OR2T10: variants seen among roughly 807,000 people sequenced by gnomAD.
OR2T10 encodes olfactory receptor family 2 subfamily T member 10.
For synonymous variants in OR2T10, 125 were observed against 141.8 expected (o/e 0.88, Z 0.84); for missense variants, 335 against 382.5 (o/e 0.88, Z 1.04).
In OR2T10 at chr1:248,590,778, GT is replaced by G. The variant is rs1659985335; in HGVS notation, c.*2051del. Reference sequence around the variant, plus strand: ...CAGCATGTACTCTTGATTTACTAAAGTTTAACACAAATTACTACCTCTACTA... The same window carrying G: ...CAGCATGTACTCTTGATTTACTAAAGTTAACACAAATTACTACCTCTACTA... On this transcript the variant is annotated 3_prime_UTR_variant, in exon 2 of 2. Coordinates refer to ENST00000642090, the MANE Select transcript of OR2T10 (RefSeq NM_001004693.2). 7.0e-6 allele frequency: 1 copy of G among 143,178 alleles called. No homozygotes were observed. The highest frequency in any genetic ancestry group is 6.8e-5 in the Admixed American group (1 of 14,682). 8.9% of individuals were successfully genotyped at this position (143,178 alleles called of 1,614,324 possible). A position where few individuals can be genotyped will look rare whatever the true frequency, so the allele number is the denominator to read the frequency against.
rs773791177 is a variant in OR2T10, at chr1:248,593,418, G to A, written c.351C>T (p.Ala117=). 1 of 1,572,178 alleles carries A rather than the reference G, an allele frequency of 6.4e-7. No individual in the cohort carries two copies. The highest frequency in any genetic ancestry group is 8.6e-7 in the Non-Finnish European group (1 of 1,156,448). The stretch of plus-strand genomic sequence containing the variant: ...TAGCCACATAGCGGTCATAGGCCAT[G>A]GCGGCTAGAAGGCAGCACTCTGCAC... The part of the protein sequence containing the change: ...LGGAECCLLA[A]MAYDRYVAIC... The change falls in exon 2 of 2, where the codon GCC becomes GCT. Residue 117 remains alanine (A), a synonymous_variant. Coordinates refer to ENST00000642090, the MANE Select transcript of OR2T10 (RefSeq NM_001004693.2).
Position 248,597,525 on chromosome 1 carries a change from A to AT in OR2T10, c.-63dup, listed in dbSNP as rs1660110504. 7.0e-6 allele frequency: 1 copy of AT among 143,434 alleles called. No homozygotes were observed. Among genetic ancestry groups the AT allele is most frequent in the Non-Finnish European group, 1.5e-5 (1 of 66,282 alleles). 8.9% of individuals were successfully genotyped at this position (143,434 alleles called of 1,614,324 possible). On this transcript the variant is annotated 5_prime_UTR_variant, in exon 1 of 2. Transcript: ENST00000642090. ...AGGAAGAAATGTAATACCCTGAGGA[A>AT]TTTTATTTCCAATAAGATACTTCCA...
At position 248,592,777 on chromosome 1, in the gene OR2T10, T is replaced by C. The variant is rs1660029604; in HGVS notation, c.*53A>G. The C allele has an allele frequency of 1.8e-6, 2 of 1,102,820 alleles. 1 individual carries two copies. The highest frequency in any genetic ancestry group is 4.4e-5 in the Admixed American group (2 of 45,642). The allele number at this position is 1,102,820 out of a possible 1,614,324, so 68.3% of individuals were successfully genotyped here. On this transcript the variant is annotated 3_prime_UTR_variant, in exon 2 of 2. Transcript: ENST00000642090. Reference sequence around the variant, plus strand: ...GCTGATTGTTTGGTGGAAGGACACCTAAAGTGAAGAGAGACTCTAAGAAGA... The same window carrying C: ...GCTGATTGTTTGGTGGAAGGACACCCAAAGTGAAGAGAGACTCTAAGAAGA...
intron 1 of OR2T10, among the ~76,000 whole-genome samples, chr1:248,595,752 C>A (rs1660080738): frequency 7.2e-6 from 1 of 138,256 alleles, no homozygotes; most frequent in Admixed American, 7.1e-5. Context: ...TAAATAATTC[C>A]CAATAAACTT....
At chr1:248,596,696 T>C (rs1347145132) in intron 1 of OR2T10, among the ~76,000 whole-genome samples, 1 of 143,776 alleles carries the variant, frequency 7.0e-6, no homozygotes, top group Non-Finnish European at 1.5e-5. Context: ...AACTGCTATT[T>C]CCAAAATGAA....
chr1:248,595,268 C>A (rs1660073655), intron 1 of OR2T10, among the ~76,000 whole-genome samples: 1 of 143,178 alleles, frequency 7.0e-6, no homozygotes, highest in Admixed American at 6.8e-5. Flanking sequence ...TTTTAGATAT[C>A]ATTAATGTTC....
At position 248,593,011 on chromosome 1, in the gene OR2T10, C is replaced by G; in HGVS notation, c.758G>C (p.Gly253Ala). 6.4e-7 allele frequency: 1 copy of G among 1,572,450 alleles called. No homozygotes were observed. Among genetic ancestry groups the G allele is most frequent in the Non-Finnish European group, 8.6e-7 (1 of 1,156,576 alleles). The change falls in exon 2 of 2, where the codon GGA becomes GCA. Residue 253 changes from glycine to alanine, a missense_variant. Physicochemically the swap from Gly to Ala is moderately conservative, Grantham distance 60. Coordinates refer to ENST00000642090, the MANE Select transcript of OR2T10 (RefSeq NM_001004693.2). The part of the protein sequence containing the change: ...SHITVVSLFY[G>A]AAIYNYMLPS... ...GAGCATGTAGTTGTAAATAGCAGCT[C>G]CATAGAAGAGGCTGACCACTGTAAT... is the stretch of plus-strand genomic sequence containing the variant.
At position 248,591,978 on chromosome 1, in the gene OR2T10, G is replaced by T. The variant is rs1284434954; in HGVS notation, c.*852C>A. The T allele has an allele frequency of 1.4e-5, 2 of 143,944 alleles. No individual in the cohort carries two copies. The highest frequency in any genetic ancestry group is 5.4e-5 in the African/African-American group (2 of 36,744). The allele number at this position is 143,944 out of a possible 1,614,324, so 8.9% of individuals were successfully genotyped here. A position where few individuals can be genotyped will look rare whatever the true frequency, so the allele number is the denominator to read the frequency against. Reference sequence around the variant, plus strand: ...AATACAAATACAACCATGCACATACGTAAAACTGTGATTTGAAATTATATT... The same window carrying T: ...AATACAAATACAACCATGCACATACTTAAAACTGTGATTTGAAATTATATT... On this transcript the variant is annotated 3_prime_UTR_variant, in exon 2 of 2. Transcript: ENST00000642090.
chr1:248,592,739 A>C lies in OR2T10; in HGVS notation c.*91T>G. 1 of 769,484 alleles carries C rather than the reference A, an allele frequency of 1.3e-6. No individual in the cohort carries two copies. The highest frequency in any genetic ancestry group is 2.6e-5 in the Admixed American group (1 of 38,216). The allele number at this position is 769,484 out of a possible 1,614,324, so 47.7% of individuals were successfully genotyped here. On this transcript the variant is annotated 3_prime_UTR_variant, in exon 2 of 2. Transcript: ENST00000642090. ...TGAAGGACAACTCAGGGAGTCAGAC[A>C]CTACCACAATATGCTGATTGTTTGG...
Position 248,597,665 on chromosome 1 carries a change from T to G in OR2T10, c.-202A>C, listed in dbSNP as rs1449136468. The G allele has an allele frequency of 7.0e-5, 10 of 143,440 alleles. 3 individuals are homozygous for G. Among genetic ancestry groups the G allele is most frequent in the African/African-American group, 2.7e-4 (10 of 36,446 alleles). 8.9% of individuals were successfully genotyped at this position (143,440 alleles called of 1,614,324 possible). ...GAAAGGGTTTCAGATGATGAAACAC[T>G]TATGAACTTGATGACTCTCCCTGAA... On this transcript the variant is annotated 5_prime_UTR_variant, in exon 1 of 2. Transcript: ENST00000642090.
At chr1:248,596,554 A>G (rs73134429) in intron 1 of OR2T10, among the ~76,000 whole-genome samples, 11,728 of 143,010 alleles carry the variant, frequency 0.082, 3,315 homozygotes, top group African/African-American at 0.31. Context: ...AGGCTGCAGA[A>G]CAAAACTCCC....
At position 248,592,859 on chromosome 1, in the gene OR2T10, T is replaced by G; in HGVS notation, c.910A>C (p.Met304Leu). Reference protein sequence around the residue: ...NKDVTRALKKMLSVQKPPY With the variant: ...NKDVTRALKKLLSVQKPPY ...TATGGAGGTTTCTGCACGCTCAGCA[T>G]TTTTTTCAAAGCCCTTGTGACATCC... is the stretch of plus-strand genomic sequence containing the variant. Residue 304 changes from methionine to leucine, a missense_variant, in exon 2 of 2, where the codon ATG becomes CTG. Physicochemically the swap from Met to Leu is conservative, Grantham distance 15. Transcript: ENST00000642090. 6.4e-7 allele frequency: 1 copy of G among 1,555,018 alleles called. No individual in the cohort carries two copies.
At position 248,592,646 on chromosome 1, in the gene OR2T10, A is replaced by AG. The variant is rs1159717441; in HGVS notation, c.*183dup. ...GACTAGAGATCAATGCTACGAGGGA[A>AG]GGGGGGGATAAGTGAACATCATCTC... On this transcript the variant is annotated 3_prime_UTR_variant, in exon 2 of 2. Transcript: ENST00000642090. The AG allele has an allele frequency of 1.7e-5, 8 of 468,518 alleles. No homozygotes were observed. Among genetic ancestry groups the AG allele is most frequent in the Admixed American group, 7.0e-5 (2 of 28,748 alleles). 29.0% of individuals were successfully genotyped at this position (468,518 alleles called of 1,614,324 possible).
At position 248,591,046 on chromosome 1, in the gene OR2T10, CA is replaced by C. The variant is rs1659988860; in HGVS notation, c.*1783del. On this transcript the variant is annotated 3_prime_UTR_variant, in exon 2 of 2. Transcript: ENST00000642090. ...TTGTTGGAAAAATTTATTTTACTAT[CA>C]TTTTTTATAATTGGAGTTAGACTCA... 7.0e-6 allele frequency: 1 copy of C among 143,216 alleles called. No individual in the cohort carries two copies. The highest frequency in any genetic ancestry group is 2.8e-5 in the African/African-American group (1 of 36,332). 8.9% of individuals were successfully genotyped at this position (143,216 alleles called of 1,614,324 possible). A position where few individuals can be genotyped will look rare whatever the true frequency, so the allele number is the denominator to read the frequency against.
chr1:248,596,185 CA>C (rs1660087650), intron 1 of OR2T10, among the ~76,000 whole-genome samples: 1 of 143,176 alleles, frequency 7.0e-6, no homozygotes, highest in Non-Finnish European at 1.5e-5. Context: ...GGAATTTCCA[CA>C]ATTTATAGGA....
At position 248,593,166 on chromosome 1, in the gene OR2T10, C is replaced by T. The variant is rs772087986; in HGVS notation, c.603G>A (p.Leu201=). The change falls in exon 2 of 2, where the codon TTG becomes TTA. Residue 201 remains leucine (L), a synonymous_variant. Coordinates refer to ENST00000642090, the MANE Select transcript of OR2T10 (RefSeq NM_001004693.2). ...DTSLYKIFMY[L]CCVIMLLIPV... ...GTATCAGGAGCATGATGACACAGCA[C>T]AAGTACATGAAAATCTTGTAAAGTG... 6.4e-7 allele frequency: 1 copy of T among 1,572,240 alleles called. No homozygotes were observed.
intron 1 of OR2T10, chr1:248,594,881 C>T (rs1467475796): frequency 7.0e-6 from 1 of 143,128 alleles, no homozygotes; most frequent in Non-Finnish European, 1.5e-5. Context: ...GGTTTCTTCT[C>T]CCAGTGGTTC....
rs1659986189 is a variant in OR2T10 at position 248,590,839 on chromosome 1, A to C, written c.*1991T>G. 1 of 142,000 alleles carries C rather than the reference A, an allele frequency of 7.0e-6. No individual in the cohort carries two copies. The highest frequency in any genetic ancestry group is 6.8e-5 in the Admixed American group (1 of 14,648). The allele number at this position is 142,000 out of a possible 1,614,324, so 8.8% of individuals were successfully genotyped here. The stretch of plus-strand genomic sequence containing the variant: ...TGATATATCTTCAACATGATTTTTC[A>C]TACATTTAAGTTTTGCACAAATCTA... On this transcript the variant is annotated 3_prime_UTR_variant, in exon 2 of 2. Transcript: ENST00000642090.
rs1660048328 is a variant in OR2T10 at position 248,593,628 on chromosome 1, A to G, written c.141T>C (p.Leu47=). Residue 47 remains leucine (L), a synonymous_variant, in exon 2 of 2, where the codon CTT becomes CTC. Coordinates refer to ENST00000642090, the MANE Select transcript of OR2T10 (RefSeq NM_001004693.2). Reference sequence around the variant, plus strand: ...GCAGAGAGGAGTCAATGTGGATCAGAAGTATCAATGTAATATTCCAAGACA... The same window carrying G: ...GCAGAGAGGAGTCAATGTGGATCAGGAGTATCAATGTAATATTCCAAGACA... ...MAVSWNITLI[L]LIHIDSSLHT... is the part of the protein sequence containing the mutation. The G allele has an allele frequency of 6.4e-7, 1 of 1,562,966 alleles. No homozygotes were observed. The highest frequency in any genetic ancestry group is 8.7e-7 in the Non-Finnish European group (1 of 1,150,166).
Sources: allele counts gnomAD v4.1 joint callset (sites outside exome capture counted in the v4.1 genomes callset), GRCh38; gene constraint gnomAD v4.1.1; transcripts MANE v1.5; gene names NCBI Gene and HGNC (gene_info 2026-07-23, HGNC 2026-07-21).